Variants in JAZF1 observed in about 807,000 individuals in gnomAD.
JAZF1 encodes JAZF zinc finger 1.
JAZF1 carries 8 observed loss-of-function variants against 26.4 expected under a neutral mutation model. That is an observed-to-expected ratio of 0.30 (90% confidence interval 0.18 to 0.55). The LOEUF (loss-of-function observed/expected upper bound fraction) is 0.55, where lower values mean the gene tolerates loss of function less well. JAZF1 is among the 20% of genes least tolerant of loss of function. The pLI, the probability that JAZF1 is intolerant of heterozygous loss-of-function variation, is 0.94. For missense variants in JAZF1, 199 were observed against 322.0 expected (o/e 0.62, Z 2.92); for synonymous variants, 126 against 122.3 (o/e 1.03, Z -0.20).
At chr7:28,004,022 C>T (rs1426254005) in intron 1 of JAZF1, among the ~76,000 whole-genome samples, 1 of 152,150 alleles carries the variant, frequency 6.6e-6, no homozygotes, top group African/African-American at 2.4e-5. Context: ...CCTGCCAACA[C>T]ACATACAAAA....
At position 28,023,722 on chromosome 7, in the gene JAZF1, C is replaced by T. The variant is rs142571328; in HGVS notation, c.116-31741G>A. On this transcript the variant is annotated intron_variant, in intron 1 of 4. Coordinates refer to ENST00000283928, the MANE Select transcript of JAZF1 (RefSeq NM_175061.4). ...AGGCGCTAAGGCAAAGTGAACCATA[C>T]GGACAGGTTCCTGCCCTCATGGAGT... is the stretch of plus-strand genomic sequence containing the variant. 1.2e-4 allele frequency among the ~76,000 whole-genome samples: 19 copies of T among 152,312 alleles called. No individual in the cohort carries two copies. The East Asian group carries it at 2.9e-3, about 23-fold the overall frequency.
At chr7:28,109,431 A>T (rs529946575) in intron 1 of JAZF1, among the ~76,000 whole-genome samples, 1 of 152,348 alleles carries the variant, frequency 6.6e-6, no homozygotes, top group African/African-American at 2.4e-5. Context: ...CCTCTTCCTT[A>T]TTCAGGTAAC....
rs528894108 is a variant in JAZF1, at chr7:28,126,127, G to C, written c.115+54336C>G. Among the ~76,000 whole-genome samples the C allele has an allele frequency of 1.3e-3, 205 of 152,298 alleles. 1 individual carries two copies. Among genetic ancestry groups the C allele is most frequent in the African/African-American group, 4.9e-3 (202 of 41,562 alleles). ...CCAGGAAGGGGTTAGGGGTGGGAAGGATGTAGCCCCTTCATAATCTCCATC... is the reference window on the plus strand; with the variant it reads ...CCAGGAAGGGGTTAGGGGTGGGAAGCATGTAGCCCCTTCATAATCTCCATC... On this transcript the variant is annotated intron_variant, in intron 1 of 4. Coordinates refer to ENST00000283928, the MANE Select transcript of JAZF1 (RefSeq NM_175061.4).
At chr7:28,086,691 T>C (rs1354728571) in intron 1 of JAZF1, among the ~76,000 whole-genome samples, 3 of 152,184 alleles carry the variant, frequency 2.0e-5, no homozygotes, top group African/African-American at 7.2e-5. Context: ...TTTGGGTCAG[T>C]GGAGGAGACA....
intron 3 of JAZF1, among the ~76,000 whole-genome samples, chr7:27,853,443 G>T (rs1483293664): frequency 6.6e-6 from 1 of 152,140 alleles, no homozygotes; most frequent in Non-Finnish European, 1.5e-5. Context: ...GATCCTATCT[G>T]AGTGAGCGTG....
chr7:27,886,683 C>T (rs1392442848), intron 3 of JAZF1, among the ~76,000 whole-genome samples: 1 of 152,218 alleles, frequency 6.6e-6, no homozygotes, highest in East Asian at 1.9e-4. Context: ...GTTCCACAAG[C>T]ATATGTTGCC....
chr7:27,853,268 T>A (rs1008740923), intron 3 of JAZF1, among the ~76,000 whole-genome samples: 1 of 152,212 alleles, frequency 6.6e-6, no homozygotes, highest in Non-Finnish European at 1.5e-5. Flanking sequence ...TTTTGTTCAA[T>A]GTTGTTTTGT....
At position 28,180,582 on chromosome 7, in the gene JAZF1, C is replaced by T. The variant is rs375242713; in HGVS notation, c.-5G>A. On this transcript the variant is annotated 5_prime_UTR_variant, in exon 1 of 5. An upstream open reading frame in the 5' UTR loses its in-frame stop. Transcript: ENST00000283928. Reference sequence around the variant, plus strand: ...GGCGGCGGCGATGCCTGTCATGGTGCTACATCGAGAGCCCCCCTGGTGTCG... The same window carrying T: ...GGCGGCGGCGATGCCTGTCATGGTGTTACATCGAGAGCCCCCCTGGTGTCG... The T allele has an allele frequency of 3.9e-5, 62 of 1,596,164 alleles. No homozygotes were observed. The highest frequency in any genetic ancestry group is 1.7e-4 in the Middle Eastern group (1 of 5,910).
At chr7:28,141,816 A>G (rs1782963260) in intron 1 of JAZF1, among the ~76,000 whole-genome samples, 1 of 152,206 alleles carries the variant, frequency 6.6e-6, no homozygotes, top group African/African-American at 2.4e-5. Context: ...CTTCATCAGT[A>G]TACCTACATG....
intron 1 of JAZF1, among the ~76,000 whole-genome samples, chr7:28,108,533 A>G (rs1220830708): frequency 6.6e-6 from 1 of 152,144 alleles, no homozygotes; most frequent in Non-Finnish European, 1.5e-5. Context: ...TGATCATCCC[A>G]TGAGGCAGCC....
intron 2 of JAZF1, among the ~76,000 whole-genome samples, chr7:27,904,585 C>T (rs972522595): frequency 4.6e-5 from 7 of 152,178 alleles, no homozygotes; most frequent in Non-Finnish European, 1.0e-4. Flanking sequence ...TGTTTCACTT[C>T]TTATCCCAGA....
chr7:27,982,431 G>C (rs376640135), intron 2 of JAZF1, among the ~76,000 whole-genome samples: 3 of 152,284 alleles, frequency 2.0e-5, no homozygotes, highest in African/African-American at 7.2e-5. Context: ...TGAGGCTTGA[G>C]TAGGTAAACA....
At chr7:28,177,461 G>A (rs1465692214) in intron 1 of JAZF1, among the ~76,000 whole-genome samples, 3 of 152,110 alleles carry the variant, frequency 2.0e-5, no homozygotes, top group African/African-American at 7.2e-5. Flanking sequence ...CACAGGCCTT[G>A]AAAAATCTGC....
chr7:27,991,861 T>A, intron 2 of JAZF1, 48 bp downstream of exon 2: 2 of 961,018 alleles, frequency 2.1e-6, no homozygotes, highest in Non-Finnish European at 1.6e-6. Context: ...AAAAAGTCAA[T>A]AAGCAGCAGA....
intron 3 of JAZF1, among the ~76,000 whole-genome samples, chr7:27,882,166 T>C (rs893972548): frequency 2.0e-5 from 3 of 152,104 alleles, no homozygotes; most frequent in African/African-American, 7.2e-5. Flanking sequence ...AACTGAAGAA[T>C]TGGGGTACTG....
intron 1 of JAZF1, among the ~76,000 whole-genome samples, chr7:28,032,116 A>C (rs1783203259): frequency 1.3e-5 from 2 of 152,172 alleles, no homozygotes; most frequent in South Asian, 4.1e-4. Context: ...AAAGTTCTAA[A>C]AGTGGTATGA....
chr7:28,127,772 A>T (rs10254284), intron 1 of JAZF1, among the ~76,000 whole-genome samples: 88,942 of 151,872 alleles, frequency 0.59, 27,262 homozygotes, highest in Non-Finnish European at 0.65. Flanking sequence ...AGCAAATGCA[A>T]CCTTCTTCAC....
chr7:28,164,488 T>G (rs1006668294), intron 1 of JAZF1, among the ~76,000 whole-genome samples: 1 of 152,176 alleles, frequency 6.6e-6, no homozygotes, highest in African/African-American at 2.4e-5. Flanking sequence ...AAAATACAGA[T>G]AACAGGTCCA....
At chr7:28,133,768 C>T (rs1007833844) in intron 1 of JAZF1, among the ~76,000 whole-genome samples, 1 of 152,162 alleles carries the variant, frequency 6.6e-6, no homozygotes, top group Non-Finnish European at 1.5e-5. Flanking sequence ...GGTCAACTTG[C>T]TCCTGCCTTA....
Sources: allele counts gnomAD v4.1 joint callset (sites outside exome capture counted in the v4.1 genomes callset), GRCh38; gene constraint gnomAD v4.1.1; transcripts MANE v1.5; gene names NCBI Gene and HGNC (gene_info 2026-07-23, HGNC 2026-07-21).